The following TTLL5 variants were observed in gnomAD, a reference collection of about 807,000 sequenced individuals.
The protein encoded by TTLL5 is tubulin tyrosine ligase like 5.
In TTLL5, 132 loss-of-function variants were observed where a neutral mutation model predicts 168.4. The ratio of observed to expected loss-of-function variants is 0.78; its 90% CI spans 0.68 to 0.91. The LOEUF (loss-of-function observed/expected upper bound fraction) is 0.91. Ranked by LOEUF, TTLL5 falls within the 40% of genes least tolerant of loss-of-function variation. The pLI is 0.00. For missense variants in TTLL5, 1,545 were observed against 1,581.5 expected (o/e 0.98, Z 0.39); for synonymous variants, 546 against 558.6 (o/e 0.98, Z 0.32).
Position 75,808,983 on chromosome 14 carries a change from A to G in TTLL5, c.3172-11024A>G, listed in dbSNP as rs573310005. Among the ~76,000 whole-genome samples, 12 of 151,608 alleles carry G rather than the reference A, an allele frequency of 7.9e-5. 1 individual carries two copies. The South Asian group carries it at 2.3e-3, about 29-fold the overall frequency. On this transcript the variant is annotated intron_variant, in intron 27 of 31. Coordinates refer to ENST00000298832, the MANE Select transcript of TTLL5 (RefSeq NM_015072.5). ...CAGGATATATATAAGGAATATATATATATATATTCTTTATATATGAACACC... is the reference window on the plus strand; with the variant it reads ...CAGGATATATATAAGGAATATATATGTATATATTCTTTATATATGAACACC...
intron 31 of TTLL5, among the ~76,000 whole-genome samples, chr14:75,919,951 T>G (rs2033766016): frequency 6.6e-6 from 1 of 151,976 alleles, no homozygotes; most frequent in Non-Finnish European, 1.5e-5. Context: ...CAAAATCCCA[T>G]CTCTACTAAA....
intron 23 of TTLL5, among the ~76,000 whole-genome samples, chr14:75,778,677 A>C (rs1891864739): frequency 6.6e-6 from 1 of 152,176 alleles, no homozygotes; most frequent in South Asian, 2.1e-4. Context: ...ACTTTCCTAG[A>C]ACGTAGCCAA....
intron 2 of TTLL5, among the ~76,000 whole-genome samples, chr14:75,666,603 G>C (rs1369599078): frequency 6.6e-6 from 1 of 152,198 alleles, no homozygotes; most frequent in Non-Finnish European, 1.5e-5. Flanking sequence ...TATCGTAATG[G>C]GCTGAAGGAG....
intron 31 of TTLL5, among the ~76,000 whole-genome samples, chr14:75,932,234 C>T (rs950355730): frequency 1.3e-5 from 2 of 152,096 alleles, no homozygotes; most frequent in Non-Finnish European, 2.9e-5. Context: ...TTCTGATATT[C>T]GGAGGCTATT....
intron 12 of TTLL5, among the ~76,000 whole-genome samples, chr14:75,731,299 T>A (rs1278036849): frequency 1.3e-5 from 2 of 151,856 alleles, no homozygotes; most frequent in East Asian, 3.9e-4. Flanking sequence ...GCAGTTTTTT[T>A]GAGGGTCACA....
At chr14:75,868,296 A>G (rs893985487) in intron 29 of TTLL5, among the ~76,000 whole-genome samples, 2 of 152,222 alleles carry the variant, frequency 1.3e-5, no homozygotes, top group African/African-American at 2.4e-5. Context: ...TTTAACAATC[A>G]TGGGAGAAAG....
intron 20 of TTLL5, among the ~76,000 whole-genome samples, chr14:75,770,850 A>G (rs984499039): frequency 6.6e-5 from 10 of 152,188 alleles, no homozygotes; most frequent in African/African-American, 2.2e-4. Flanking sequence ...GACCTCCCTC[A>G]TTTGCTCTGG....
intron 3 of TTLL5, among the ~76,000 whole-genome samples, chr14:75,679,197 T>C (rs867775232): frequency 2.0e-4 from 31 of 152,222 alleles, no homozygotes; most frequent in Non-Finnish European, 1.9e-4. Context: ...GATAAGGAGA[T>C]TATCCTGGAC....
At chr14:75,737,873 G>GC (rs1889006416) in intron 15 of TTLL5, among the ~76,000 whole-genome samples, 1 of 152,092 alleles carries the variant, frequency 6.6e-6, no homozygotes, top group South Asian at 2.1e-4. Flanking sequence ...AGGAACAGGG[G>GC]CTTGAAGGCA....
chr14:75,856,150 G>T (rs1897112920), intron 28 of TTLL5, among the ~76,000 whole-genome samples: 1 of 152,194 alleles, frequency 6.6e-6, no homozygotes, highest in Admixed American at 6.5e-5. Context: ...ATCACCTGAG[G>T]TCGGGAGTTC....
intron 15 of TTLL5, among the ~76,000 whole-genome samples, chr14:75,743,138 G>C (rs898486119): frequency 2.2e-4 from 34 of 152,188 alleles, no homozygotes; most frequent in African/African-American, 8.2e-4. Flanking sequence ...CACAGTAAAA[G>C]CCCCTGCACT....
intron 21 of TTLL5, among the ~76,000 whole-genome samples, chr14:75,772,923 T>A (rs954995756): frequency 6.6e-6 from 1 of 152,116 alleles, no homozygotes; most frequent in African/African-American, 2.4e-5. Context: ...CTCCTTGGCC[T>A]CCCAAAGTGC....
At chr14:75,719,944 C>T (rs1007701774) in intron 11 of TTLL5, 118 bp downstream of exon 11, 2 of 1,063,722 alleles carry the variant, frequency 1.9e-6, no homozygotes, top group African/African-American at 3.2e-5. Context: ...GATGATTGTC[C>T]TTGGTGTTAC....
chr14:75,898,181 C>T (rs1462297942), intron 30 of TTLL5, among the ~76,000 whole-genome samples: 1 of 152,188 alleles, frequency 6.6e-6, no homozygotes, highest in Non-Finnish European at 1.5e-5. Flanking sequence ...ATACATTCAG[C>T]TATTCAGAGA....
At chr14:75,764,530 C>A in intron 18 of TTLL5, 85 bp from the exon 19 acceptor site, 1 of 1,506,026 alleles carries the variant, frequency 6.6e-7, no homozygotes, top group South Asian at 1.2e-5. Context: ...AGTATGTCAG[C>A]ATTATGGAAT....
chr14:75,764,951 C>G (rs1238393714), intron 19 of TTLL5, among the ~76,000 whole-genome samples, 179 bp downstream of exon 19: 9 of 152,184 alleles, frequency 5.9e-5, no homozygotes, highest in Admixed American at 5.9e-4. Context: ...ACCTTCCACT[C>G]TATAATATTT....
chr14:75,765,791 A>G (rs942167650), intron 19 of TTLL5, among the ~76,000 whole-genome samples: 1 of 152,114 alleles, frequency 6.6e-6, no homozygotes, highest in Non-Finnish European at 1.5e-5. Flanking sequence ...TGACCCCAGG[A>G]TGTCGAGCTG....
At chr14:75,929,547 T>A (rs1220484268) in intron 31 of TTLL5, among the ~76,000 whole-genome samples, 1 of 144,968 alleles carries the variant, frequency 6.9e-6, no homozygotes, top group Non-Finnish European at 1.5e-5. Flanking sequence ...CGCTTCCGGG[T>A]TTCAAGCAAT....
At chr14:75,775,809 A>G (rs777047353) in intron 22 of TTLL5, among the ~76,000 whole-genome samples, 179 bp downstream of exon 22, 2 of 152,190 alleles carry the variant, frequency 1.3e-5, no homozygotes, top group Non-Finnish European at 2.9e-5. Flanking sequence ...GCTGGTCTGA[A>G]AAACTATTTA....
Sources: gnomAD v4.1 joint callset for allele counts (sites outside exome capture counted in the v4.1 genomes callset) on GRCh38, gnomAD v4.1.1 for gene constraint, MANE v1.5 for transcripts, NCBI Gene and HGNC (gene_info 2026-07-23, HGNC 2026-07-21) for gene names.